SNX2: variants seen among roughly 807,000 people sequenced by gnomAD.
SNX2 encodes sorting nexin 2, also known as sorting nexin-2.
In SNX2, 25 loss-of-function variants were observed where a neutral mutation model predicts 69.9. The ratio of observed to expected loss-of-function variants is 0.36; its 90% confidence interval spans 0.26 to 0.50. SNX2 has a LOEUF of 0.50. Ranked by LOEUF, SNX2 falls within the 20% of genes least tolerant of loss-of-function variation. The pLI, the probability that SNX2 is intolerant of heterozygous loss-of-function variation, is 0.97. For missense variants in SNX2, 551 were observed against 613.3 expected (o/e 0.90, Z 1.07); for synonymous variants, 229 against 200.4 (o/e 1.14, Z -1.20).
intron 7 of SNX2, among the ~76,000 whole-genome samples, chr5:122,809,220 A>C (rs1753716792): frequency 6.6e-6 from 1 of 152,162 alleles, no homozygotes; most frequent in Admixed American, 6.5e-5. Context: ...GGCTGTCCAT[A>C]GGTTATTATG....
chr5:122,784,351 A>G (rs1323476189), intron 1 of SNX2, among the ~76,000 whole-genome samples: 3 of 151,002 alleles, frequency 2.0e-5, no homozygotes, highest in Admixed American at 6.6e-5. Context: ...TGTTTTTTTT[A>G]ATGAGCTTAA....
intron 11 of SNX2, among the ~76,000 whole-genome samples, chr5:122,819,482 A>G (rs1753967676): frequency 2.6e-5 from 4 of 152,214 alleles, no homozygotes. Flanking sequence ...TCAAATATGT[A>G]GTCACCATGT....
At chr5:122,796,255 A>G (rs916115011) in intron 2 of SNX2, among the ~76,000 whole-genome samples, 2 of 152,210 alleles carry the variant, frequency 1.3e-5, no homozygotes, top group African/African-American at 4.8e-5. Context: ...AAAAAGATAA[A>G]AAATGAATAA....
chr5:122,792,742 T>C (rs1753273863), intron 1 of SNX2, among the ~76,000 whole-genome samples: 1 of 152,118 alleles, frequency 6.6e-6, no homozygotes, highest in South Asian at 2.1e-4. Context: ...TTAATACATA[T>C]CTGACAAAGA....
intron 7 of SNX2, among the ~76,000 whole-genome samples, chr5:122,810,277 G>C (rs1753739752): frequency 6.7e-6 from 1 of 149,734 alleles, no homozygotes; most frequent in Non-Finnish European, 1.5e-5. Flanking sequence ...AAGGCCGCAG[G>C]GTCCTCTGCC....
chr5:122,812,782 CAGTA>C (rs1561466928), intron 7 of SNX2, among the ~76,000 whole-genome samples: 2 of 152,302 alleles, frequency 1.3e-5, no homozygotes, highest in East Asian at 3.9e-4. Context: ...AGTAAGAGCT[CAGTA>C]AGTATTTGCT....
At chr5:122,777,246 A>G (rs1415804207) in intron 1 of SNX2, among the ~76,000 whole-genome samples, 1 of 152,206 alleles carries the variant, frequency 6.6e-6, no homozygotes, top group African/African-American at 2.4e-5. Context: ...TAAGTGTTCT[A>G]GATCCGTGTT....
intron 14 of SNX2, chr5:122,828,188 A>C (rs1662900298): frequency 6.6e-6 from 1 of 152,188 alleles, no homozygotes; most frequent in Non-Finnish European, 1.5e-5. Context: ...TTTTAATGTA[A>C]ATTAGAGTAA....
intron 14 of SNX2, among the ~76,000 whole-genome samples, chr5:122,828,463 A>T (rs1047424561): frequency 3.3e-5 from 5 of 152,142 alleles, no homozygotes; most frequent in African/African-American, 1.2e-4. Context: ...GGACTATTCA[A>T]GGAAGACTGA....
chr5:122,816,827 G>C (rs2279093), intron 8 of SNX2, 88 bp from the exon 9 acceptor site: 13 of 572,192 alleles, frequency 2.3e-5, no homozygotes, highest in African/African-American at 1.2e-4. Flanking sequence ...TGGGGGGGAG[G>C]GGGGAGGAGG....
At chr5:122,814,409 T>G (rs2150013462) in intron 7 of SNX2, among the ~76,000 whole-genome samples, 1 of 152,332 alleles carries the variant, frequency 6.6e-6, no homozygotes, top group South Asian at 2.1e-4. Flanking sequence ...AAGATACCTG[T>G]TAAATGCTCT....
intron 11 of SNX2, among the ~76,000 whole-genome samples, chr5:122,825,509 TTTCATC>T (rs1022222227): frequency 6.6e-6 from 1 of 152,066 alleles, no homozygotes; most frequent in Non-Finnish European, 1.5e-5. Flanking sequence ...CTTTTGCCCT[TTTCATC>T]TTAAGACTGT....
intron 1 of SNX2, among the ~76,000 whole-genome samples, chr5:122,781,966 T>C (rs1752988295): frequency 6.6e-6 from 1 of 152,182 alleles, no homozygotes; most frequent in Non-Finnish European, 1.5e-5. Flanking sequence ...TTATGTCTGT[T>C]GTGTCTGTAT....
Position 122,780,037 on chromosome 5 carries a change from G to A in SNX2, c.108+4826G>A, listed in dbSNP as rs541405751. On this transcript the variant is annotated intron_variant, in intron 1 of 14. Transcript: ENST00000379516. ...ACAGATTAAAAGATAATATTCAGAA[G>A]TCTTATAATGCCTCCCTTCAGATGA... Among the ~76,000 whole-genome samples the A allele has an allele frequency of 6.6e-5, 10 of 152,326 alleles. No homozygotes were observed. The South Asian group carries it at 2.1e-3, about 32-fold the overall frequency.
chr5:122,815,956 C>G lies in SNX2; in HGVS notation c.783C>G (p.Phe261Leu). The change falls in exon 8 of 15, where the codon TTC becomes TTG. Residue 261 changes from phenylalanine (F) to leucine (L), a missense_variant. Coordinates refer to ENST00000379516, the MANE Select transcript of SNX2 (RefSeq NM_003100.4). ...TACAGGATCCTGATTTAAGGCAGTTCTTGGAAAGTTCAGAGGTATTATTTC... is the reference window on the plus strand; with the variant it reads ...TACAGGATCCTGATTTAAGGCAGTTGTTGGAAAGTTCAGAGGTATTATTTC... ...TLLQDPDLRQ[F>L]LESSELPRAV... 1 of 1,594,218 alleles carries G rather than the reference C, an allele frequency of 6.3e-7. No individual in the cohort carries two copies.
chr5:122,787,363 T>TA (rs1346799135), intron 1 of SNX2, among the ~76,000 whole-genome samples: 1 of 151,810 alleles, frequency 6.6e-6, no homozygotes, highest in African/African-American at 2.4e-5. Context: ...CTACAAAAAA[T>TA]AAAAAAATTA....
chr5:122,790,223 A>G (rs1334377387), intron 1 of SNX2, among the ~76,000 whole-genome samples: 3 of 152,234 alleles, frequency 2.0e-5, no homozygotes, highest in South Asian at 2.1e-4. Context: ...GGTTCAAGCT[A>G]TCCTCCTGCT....
At chr5:122,779,272 C>A (rs1383051170) in intron 1 of SNX2, among the ~76,000 whole-genome samples, 1 of 152,084 alleles carries the variant, frequency 6.6e-6, no homozygotes, top group African/African-American at 2.4e-5. Flanking sequence ...GTTTTCATCA[C>A]CTCAGAAAGA....
intron 6 of SNX2, among the ~76,000 whole-genome samples, chr5:122,805,182 T>G (rs1317577801): frequency 6.6e-6 from 1 of 151,058 alleles, no homozygotes; most frequent in African/African-American, 2.4e-5. Flanking sequence ...TCCCAGCTAC[T>G]TGGGAGGCTG....
Sources: allele counts gnomAD v4.1 joint callset (sites outside exome capture counted in the v4.1 genomes callset), GRCh38; gene constraint gnomAD v4.1.1; transcripts MANE v1.5; gene names NCBI Gene and HGNC (gene_info 2026-07-23, HGNC 2026-07-21).